ZNF3: variants seen among roughly 807,000 people sequenced by gnomAD.
The protein encoded by ZNF3 is C2-H2 type zinc finger protein.
A neutral mutation model predicts 36.9 loss-of-function variants in ZNF3; 16 were observed. The observed-to-expected ratio is 0.43, with a 90% CI of 0.29 to 0.66. ZNF3 has a LOEUF of 0.66. Among genes scored for constraint, ZNF3 ranks in the 30% least tolerant of loss-of-function variants. The pLI is 0.13. For missense variants in ZNF3, 462 were observed against 543.1 expected, an observed-to-expected ratio of 0.85 and a Z score of 1.48; for synonymous variants, 201 against 201.9, an observed-to-expected ratio of 1.00 and a Z score of 0.04.
In ZNF3 at chr7:100,071,043, C is replaced by CT. The variant is rs1248327330; in HGVS notation, c.*99dup. On this transcript the variant is annotated 3_prime_UTR_variant, in exon 6 of 6. Transcript: ENST00000299667. Reference sequence around the variant, plus strand: ...TGCCCCATTCTCTAAAATGAAAAGTCTGAGTTGAAAGGGACACATCCTAAG... The same window carrying CT: ...TGCCCCATTCTCTAAAATGAAAAGTCTTGAGTTGAAAGGGACACATCCTAAG... 6 of 1,496,076 alleles carry CT rather than the reference C, an allele frequency of 4.0e-6. No individual in the cohort carries two copies. The African/African-American group carries it at 5.6e-5, about 14-fold the overall frequency. The allele number at this position is 1,496,076 out of a possible 1,614,324, so 92.7% of individuals were successfully genotyped here. A position where few individuals can be genotyped will look rare whatever the true frequency, so the allele number is the denominator to read the frequency against.
chr7:100,077,238 G>T, intron 3 of ZNF3, 65 bp downstream of exon 3: 1 of 1,599,960 alleles, frequency 6.3e-7, no homozygotes, highest in Non-Finnish European at 8.6e-7. Context: ...CCTGGTAAGT[G>T]AGCGATTTCA....
chr7:100,065,444 G>A (rs527795966), downstream of ZNF3, among the ~76,000 whole-genome samples: 5 of 151,704 alleles, frequency 3.3e-5, no homozygotes, highest in East Asian at 1.9e-4. Flanking sequence ...AAAATAAAGC[G>A]AATGCTTTCA....
intron 3 of ZNF3, among the ~76,000 whole-genome samples, 171 bp from the exon 4 acceptor site, chr7:100,075,801 G>C (rs1440306753): frequency 1.3e-5 from 2 of 152,134 alleles, no homozygotes; most frequent in African/African-American, 4.8e-5. Flanking sequence ...GTCCAACAAA[G>C]GCAAACTCAG....
downstream of ZNF3, among the ~76,000 whole-genome samples, chr7:100,065,616 A>G (rs1015507457): frequency 3.8e-4 from 58 of 151,738 alleles, no homozygotes; most frequent in African/African-American, 1.4e-3. Flanking sequence ...GAGGGCAGCA[A>G]TAATCACTTC....
chr7:100,071,922 TA>T lies in ZNF3; in HGVS notation c.561del (p.Ile188SerfsTer237). 1 of 1,614,218 alleles carries T rather than the reference TA, an allele frequency of 6.2e-7. No individual in the cohort carries two copies. Among genetic ancestry groups the T allele is most frequent in the East Asian group, 2.2e-5 (1 of 44,892 alleles). ...FGNSFTVNSNLISHQRLPVGD... is the reference protein window; with the variant it reads ...FGNSFTVNSNXISHQRLPVGD... ...CCCACGGGGAGTCTCTGATGTGAGA[TA>T]AGGTTGGAATTCACAGTGAAGCTGT... On this transcript the variant is annotated frameshift_variant, in exon 6 of 6. Coordinates refer to ENST00000299667, the MANE Select transcript of ZNF3 (RefSeq NM_032924.5). LOFTEE classifies it high-confidence loss of function.
chr7:100,071,957 T>C lies in ZNF3; in HGVS notation c.527A>G (p.Asp176Gly). 1.2e-6 allele frequency: 2 copies of C among 1,614,118 alleles called. No homozygotes were observed. Among genetic ancestry groups the C allele is most frequent in the Non-Finnish European group, 1.7e-6 (2 of 1,180,010 alleles). Residue 176 changes from aspartate (D) to glycine (G), a missense_variant, in exon 6 of 6, where the codon GAT becomes GGT. Transcript: ENST00000299667. ...PRGERSEKYN[D>G]FGNSFTVNSN... ...ATTCACAGTGAAGCTGTTCCCAAAA[T>C]CATTATATTTCTCGCTTCTCTCTCC...
At chr7:100,064,916 G>C (rs780913753) in intron 5 of ZNF3, 76 of 1,612,570 alleles carry the variant, frequency 4.7e-5, no homozygotes, top group Non-Finnish European at 6.4e-5. Flanking sequence ...ATCCAGTCTA[G>C]TTAAGGAAGA....
downstream of ZNF3, among the ~76,000 whole-genome samples, chr7:100,069,551 CA>C (rs57428777): frequency 0.51 from 54,496 of 107,534 alleles, 11,876 homozygotes; most frequent in African/African-American, 0.6. Flanking sequence ...GACTCTGTCT[CA>C]AAAAAAAAAA....
At chr7:100,064,113 G>A (rs570317662) in exon 6 of ZNF3, 5 of 1,614,132 alleles carry the variant, frequency 3.1e-6, no homozygotes, top group South Asian at 1.1e-5. Flanking sequence ...AACCTTACGT[G>A]TGCACCAAGT....
chr7:100,065,092 C>G, downstream of ZNF3: 3 of 928,378 alleles, frequency 3.2e-6, no homozygotes, highest in Non-Finnish European at 4.7e-6. Context: ...TGAATACTTA[C>G]AGATGGAGAA....
chr7:100,073,737 G>C (rs995270058), intron 5 of ZNF3, among the ~76,000 whole-genome samples: 2 of 152,098 alleles, frequency 1.3e-5, no homozygotes, highest in African/African-American at 4.8e-5. Context: ...TTAGAGAAGG[G>C]GAGCAGAGAA....
chr7:100,068,705 C>T (rs958764221), downstream of ZNF3, among the ~76,000 whole-genome samples: 4 of 151,824 alleles, frequency 2.6e-5, no homozygotes, highest in East Asian at 1.9e-4. Context: ...GCTCTGTTAT[C>T]GTGTGGTGGT....
chr7:100,076,505 G>A (rs1584446019), intron 3 of ZNF3, among the ~76,000 whole-genome samples: 3 of 151,938 alleles, frequency 2.0e-5, no homozygotes, highest in African/African-American at 7.2e-5. Flanking sequence ...TGTTGGCCAA[G>A]ATGGTCTCAA....
Position 100,072,216 on chromosome 7 carries a change from A to G in ZNF3, c.272-4T>C. 1 of 1,565,702 alleles carries G rather than the reference A, an allele frequency of 6.4e-7. No individual in the cohort carries two copies. The highest frequency in any genetic ancestry group is 8.6e-7 in the Non-Finnish European group (1 of 1,161,574). On this transcript the variant is annotated splice_polypyrimidine_tract_variant and splice_region_variant and intron_variant, in intron 5 of 5. Coordinates refer to ENST00000299667, the MANE Select transcript of ZNF3 (RefSeq NM_032924.5). ...TTTTCAGTCCTGGTCTCACGATCTG[A>G]CACAATAAAAAATGCAAATGTCACT...
rs1792875103 is a variant in ZNF3, at chr7:100,070,005, C to T, written c.*1138G>A. Reference sequence around the variant, plus strand: ...AAAAACTATTCTGTTTAATAGTGCACTTCATTTATGCTACAGGATGAGCAG... The same window carrying T: ...AAAAACTATTCTGTTTAATAGTGCATTTCATTTATGCTACAGGATGAGCAG... On this transcript the variant is annotated 3_prime_UTR_variant, in exon 6 of 6. Coordinates refer to ENST00000299667, the MANE Select transcript of ZNF3 (RefSeq NM_032924.5). 7 of 985,730 alleles carry T rather than the reference C, an allele frequency of 7.1e-6. 1 individual carries two copies. In the South Asian group the frequency reaches 3.3e-4, roughly 46 times the overall value. The allele number at this position is 985,730 out of a possible 1,614,324, so 61.1% of individuals were successfully genotyped here. A position where few individuals can be genotyped will look rare whatever the true frequency, so the allele number is the denominator to read the frequency against.
exon 6 of ZNF3, chr7:100,064,347 G>T: frequency 6.2e-7 from 1 of 1,614,164 alleles, no homozygotes. Context: ...TCCACACTGG[G>T]GAGAAGCCTT....
At position 100,081,565 on chromosome 7, in the gene ZNF3, A is replaced by T; in HGVS notation, c.-198+70T>A. On this transcript the variant is annotated intron_variant, in intron 1 of 5. Transcript: ENST00000299667. This position sits in a 1 kb window ranked among gnomAD's most constrained non-coding sequence, Gnocchi z 4.3. ...GGGACCCTGCGGGCCGCAGTGGCACAGACACCACCCCCTTCCCCGGCGACC... is the reference window on the plus strand; with the variant it reads ...GGGACCCTGCGGGCCGCAGTGGCACTGACACCACCCCCTTCCCCGGCGACC... 6.5e-6 allele frequency: 1 copy of T among 152,722 alleles called. No individual in the cohort carries two copies. Among genetic ancestry groups the T allele is most frequent in the Non-Finnish European group, 1.5e-5 (1 of 68,366 alleles). 9.5% of individuals were successfully genotyped at this position (152,722 alleles called of 1,614,324 possible). A position where few individuals can be genotyped will look rare whatever the true frequency, so the allele number is the denominator to read the frequency against.
exon 6 of ZNF3, chr7:100,064,538 A>T (rs1354535290): frequency 1.9e-6 from 3 of 1,614,196 alleles, no homozygotes; most frequent in Non-Finnish European, 2.5e-6. Context: ...TGGTGTCATC[A>T]CTGTGGAAAG....
chr7:100,066,883 A>G (rs1343774122), downstream of ZNF3, among the ~76,000 whole-genome samples: 3 of 151,130 alleles, frequency 2.0e-5, no homozygotes, highest in Non-Finnish European at 2.9e-5. Context: ...AAAAATGCAA[A>G]AATTAGCCAG....
Sources: allele counts gnomAD v4.1 joint callset (sites outside exome capture counted in the v4.1 genomes callset), GRCh38; gene constraint gnomAD v4.1.1; non-coding constraint Gnocchi (gnomAD v3.1); transcripts MANE v1.5; gene names NCBI Gene and HGNC (gene_info 2026-07-23, HGNC 2026-07-21).